The following TIPIN variants were observed in gnomAD, a reference collection of about 807,000 sequenced individuals.
The protein encoded by TIPIN is TIMELESS-interacting protein.
TIPIN carries 29 observed loss-of-function variants against 35.6 expected under a neutral mutation model. The ratio of observed to expected loss-of-function variants is 0.82; its 90% CI spans 0.61 to 1.11. The LOEUF (loss-of-function observed/expected upper bound fraction) is 1.11, where lower values mean the gene tolerates loss of function less well. Ranked by LOEUF, TIPIN falls within the 50% of genes most tolerant of loss-of-function variation. The probability of loss-of-function intolerance (pLI) is 0.00; values close to 1 mark genes in which losing one functional copy is unlikely to be tolerated. For synonymous variants in TIPIN, 102 were observed against 121.5 expected (o/e 0.84, Z 1.06); for missense variants, 296 against 345.4 (o/e 0.86, Z 1.13).
intron 1 of TIPIN, 93 bp from the exon 2 acceptor site, chr15:66,353,048 CA>C (rs1425017076): frequency 8.2e-7 from 1 of 1,225,808 alleles, no homozygotes; most frequent in Non-Finnish European, 1.1e-6. Context: ...GTGTTTCAAT[CA>C]GTTAGACCAC....
chr15:66,379,250 G>T, intron 1 of TIPIN: 1 of 1,463,304 alleles, frequency 6.8e-7, no homozygotes, highest in Non-Finnish European at 9.0e-7. Flanking sequence ...CAAATCAACA[G>T]GTCTTTTATT....
At chr15:66,345,901 T>C (rs972365484) in intron 6 of TIPIN, among the ~76,000 whole-genome samples, 4 of 151,978 alleles carry the variant, frequency 2.6e-5, no homozygotes, top group African/African-American at 9.7e-5. Context: ...TTGTACCCTA[T>C]ATTTCAGCAT....
Position 66,340,171 on chromosome 15 carries a change from C to CTTT in TIPIN, c.682+976_682+978dup, listed in dbSNP as rs1213707475. Among the ~76,000 whole-genome samples, 366 of 69,540 alleles carry CTTT rather than the reference C, an allele frequency of 5.3e-3. 10 individuals are homozygous for CTTT. Among genetic ancestry groups the CTTT allele is most frequent in the Middle Eastern group, 0.013 (1 of 76 alleles). 45.6% of individuals were successfully genotyped at this position (69,540 alleles called of 152,430 possible). A position where few individuals can be genotyped will look rare whatever the true frequency, so the allele number is the denominator to read the frequency against. ...ACAGGCGTGAGCCACTGCGCCTGGC[C>CTTT]TTTTTTTTTTTTTTTTTTTTTTTGA... is the stretch of plus-strand genomic sequence containing the variant. On this transcript the variant is annotated intron_variant, in intron 7 of 7. Coordinates refer to ENST00000261881, the MANE Select transcript of TIPIN (RefSeq NM_017858.3).
At chr15:66,382,991 G>A (rs2093323489) in intron 1 of TIPIN, 1 of 985,338 alleles carries the variant, frequency 1.0e-6, no homozygotes, top group Non-Finnish European at 1.2e-6. Context: ...GAACTATTCT[G>A]CAAACTTTAA....
chr15:66,346,168 G>A (rs1314606681), intron 6 of TIPIN, among the ~76,000 whole-genome samples: 3 of 151,516 alleles, frequency 2.0e-5, no homozygotes, highest in East Asian at 1.9e-4. Context: ...GGCTGGTCTC[G>A]AACTCCTGGC....
intron 4 of TIPIN, 57 bp from the exon 5 acceptor site, chr15:66,349,494 T>C: frequency 6.4e-7 from 1 of 1,566,572 alleles, no homozygotes; most frequent in South Asian, 1.2e-5. Flanking sequence ...GCTGACCCCG[T>C]CAGCAACTTT....
At chr15:66,375,499 T>TTATATATATATATATATATATATATATA (rs71139487) in intron 1 of TIPIN, among the ~76,000 whole-genome samples, 20 of 132,838 alleles carry the variant, frequency 1.5e-4, no homozygotes, top group South Asian at 2.6e-4. Context: ...ATTGGAAAAG[T>TTATATATATATATATATATATATATATA]TATATATATA....
intron 7 of TIPIN, among the ~76,000 whole-genome samples, chr15:66,339,119 A>C (rs1204492454): frequency 7.8e-6 from 1 of 128,366 alleles, no homozygotes; most frequent in African/African-American, 2.9e-5. Context: ...GCTACAGAGC[A>C]AGACTCCATC....
Position 66,351,636 on chromosome 15 carries a change from A to C in TIPIN, c.213-36T>G, listed in dbSNP as rs62627281. On this transcript the variant is annotated intron_variant, in intron 3 of 7. Coordinates refer to ENST00000261881, the MANE Select transcript of TIPIN (RefSeq NM_017858.3). ...AAGTATGTTTTTAATTTCAAGTTTT[A>C]TTTTCTTTTTTTTTTTTTTGAGACG... is the stretch of plus-strand genomic sequence containing the variant. 20,006 of 1,298,644 alleles carry C rather than the reference A, an allele frequency of 0.015. 2,216 individuals are homozygous for C. In the African/African-American group the frequency reaches 0.28, roughly 18 times the overall value. The allele number at this position is 1,298,644 out of a possible 1,614,324, so 80.4% of individuals were successfully genotyped here.
rs903540184 is a variant in TIPIN at position 66,377,297 on chromosome 15, G to A, written c.-9+9310C>T. Reference sequence around the variant, plus strand: ...TTATCTGTGAACTACCTATATTGATGTATTAATACTTTCCTTATGTTTCTA... The same window carrying A: ...TTATCTGTGAACTACCTATATTGATATATTAATACTTTCCTTATGTTTCTA... On this transcript the variant is annotated intron_variant, in intron 1 of 7. Coordinates refer to the TIPIN transcript ENST00000562124. Among the ~76,000 whole-genome samples the A allele has an allele frequency of 3.3e-5, 5 of 152,056 alleles. No homozygotes were observed. In the East Asian group the frequency reaches 7.7e-4, roughly 23 times the overall value.
In TIPIN at chr15:66,336,983, G is replaced by C. The variant is rs148498973; in HGVS notation, c.881C>G (p.Ser294Cys). Residue 294 changes from serine (S) to cysteine (C), a missense_variant, in exon 8 of 8, where the codon TCC becomes TGC. Coordinates refer to ENST00000261881, the MANE Select transcript of TIPIN (RefSeq NM_017858.3). ...KNVQQQLDAT[S>C]RNITEAR Reference sequence around the variant, plus strand: ...TTATCTAGCTTCAGTAATATTTCTGGATGTAGCATCAAGTTGCTGTTGCAC... The same window carrying C: ...TTATCTAGCTTCAGTAATATTTCTGCATGTAGCATCAAGTTGCTGTTGCAC... 8.7e-6 allele frequency: 14 copies of C among 1,612,184 alleles called. No homozygotes were observed. The highest frequency in any genetic ancestry group is 9.3e-6 in the Non-Finnish European group (11 of 1,178,608).
intron 1 of TIPIN, among the ~76,000 whole-genome samples, chr15:66,381,453 AAAG>A (rs1184911812): frequency 6.6e-6 from 1 of 152,102 alleles, no homozygotes; most frequent in African/African-American, 2.4e-5. Flanking sequence ...AATTAAAAAA[AAAG>A]AATAGAGATC....
At chr15:66,370,591 C>T (rs1035051417) in intron 1 of TIPIN, among the ~76,000 whole-genome samples, 1 of 152,044 alleles carries the variant, frequency 6.6e-6, no homozygotes, top group Non-Finnish European at 1.5e-5. Context: ...GCCAAACTCA[C>T]AGGAGCTTAA....
At chr15:66,372,944 G>T (rs368063524) in intron 1 of TIPIN, among the ~76,000 whole-genome samples, 7 of 152,098 alleles carry the variant, frequency 4.6e-5, no homozygotes, top group Admixed American at 2.0e-4. Flanking sequence ...TTTTAATGTA[G>T]CTTTTCTATG....
At position 66,364,970 on chromosome 15, in the gene TIPIN, A is replaced by AAAAAAAAAAAAAG. The variant is rs1555409817; in HGVS notation, c.-8-12016_-8-12015insCTTTTTTTTTTTT. On this transcript the variant is annotated intron_variant, in intron 1 of 7. Transcript: ENST00000562124. ...GACAAGAGTGAAACTCCATCTCAAA[A>AAAAAAAAAAAAAG]AAAAAGAAAAAGAAAAAGAAAGAAA... is the stretch of plus-strand genomic sequence containing the variant. Among the ~76,000 whole-genome samples the AAAAAAAAAAAAAG allele has an allele frequency of 7.6e-4, 104 of 137,684 alleles. 1 individual carries two copies. Among genetic ancestry groups the AAAAAAAAAAAAAG allele is most frequent in the Middle Eastern group, 3.8e-3 (1 of 264 alleles). The allele number at this position is 137,684 out of a possible 152,430, so 90.3% of individuals were successfully genotyped here.
chr15:66,338,287 T>A (rs1244285843), intron 7 of TIPIN, among the ~76,000 whole-genome samples: 1 of 151,816 alleles, frequency 6.6e-6, no homozygotes, highest in Non-Finnish European at 1.5e-5. Flanking sequence ...TAGAAAGAGG[T>A]CTAATAAAAA....
At chr15:66,357,048 G>A (rs1312935060), upstream of TIPIN, among the ~76,000 whole-genome samples, 1 of 151,588 alleles carries the variant, frequency 6.6e-6, no homozygotes, top group Non-Finnish European at 1.5e-5. Flanking sequence ...TCCCTTCCCC[G>A]ACTAACACCA....
intron 1 of TIPIN, among the ~76,000 whole-genome samples, chr15:66,378,275 A>T (rs562508147): frequency 1.3e-5 from 2 of 152,190 alleles, no homozygotes; most frequent in Admixed American, 6.5e-5. Context: ...TGCTGGGATT[A>T]TAGGCGTGAG....
intron 6 of TIPIN, among the ~76,000 whole-genome samples, chr15:66,346,407 T>C (rs894518431): frequency 1.3e-5 from 2 of 152,026 alleles, no homozygotes; most frequent in African/African-American, 4.8e-5. Context: ...TTAATTTCTT[T>C]TTTCTTCCTC....
Sources: gnomAD v4.1 joint callset for allele counts (sites outside exome capture counted in the v4.1 genomes callset) on GRCh38, gnomAD v4.1.1 for gene constraint, MANE v1.5 for transcripts, NCBI Gene and HGNC (gene_info 2026-07-23, HGNC 2026-07-21) for gene names.